The following CUX1 variants were observed in gnomAD, a reference collection of about 807,000 sequenced individuals.
The protein encoded by CUX1 is cut like homeobox 1.
CUX1 carries 31 observed loss-of-function variants against 158.8 expected under a neutral mutation model. The observed-to-expected ratio is 0.20, with a 90% confidence interval of 0.15 to 0.26. CUX1 has a LOEUF of 0.26. CUX1 is among the 10% of genes least tolerant of loss of function. The probability of loss-of-function intolerance (pLI) is 1.00; values close to 1 mark genes in which losing one functional copy is unlikely to be tolerated. For missense variants in CUX1, 1,589 were observed against 2,014.6 expected (o/e 0.79, Z 4.04); for synonymous variants, 879 against 862.1 (o/e 1.02, Z -0.34).
intron 2 of CUX1, among the ~76,000 whole-genome samples, chr7:101,917,675 G>C (rs369881710): frequency 6.6e-6 from 1 of 152,144 alleles, no homozygotes; most frequent in Non-Finnish European, 1.5e-5. Context: ...CTGGAACTCC[G>C]GTTTCCTGAG....
chr7:101,927,718 G>A (rs956816390), intron 2 of CUX1, among the ~76,000 whole-genome samples: 1 of 152,198 alleles, frequency 6.6e-6, no homozygotes, highest in Non-Finnish European at 1.5e-5. Flanking sequence ...ACCTTATTTT[G>A]TTTGTTTGTT....
chr7:102,115,365 G>A lies in CUX1; in HGVS notation c.674+92G>A, dbSNP rs1831332108. On this transcript the variant is annotated intron_variant, in intron 8 of 23. Transcript: ENST00000292535. Reference sequence around the variant, plus strand: ...AGGATCGAGAAGGTTCTTGACCTCTGTGCTGCTGCAGGGACACAGTGTATT... The same window carrying A: ...AGGATCGAGAAGGTTCTTGACCTCTATGCTGCTGCAGGGACACAGTGTATT... 1.6e-5 allele frequency: 17 copies of A among 1,079,656 alleles called. No individual in the cohort carries two copies. In the South Asian group the frequency reaches 2.5e-4, roughly 16 times the overall value. 66.9% of individuals were successfully genotyped at this position (1,079,656 alleles called of 1,614,324 possible). A position where few individuals can be genotyped will look rare whatever the true frequency, so the allele number is the denominator to read the frequency against.
intron 8 of CUX1, among the ~76,000 whole-genome samples, chr7:102,142,178 G>A (rs782064921): frequency 1.3e-5 from 2 of 152,132 alleles, no homozygotes; most frequent in Non-Finnish European, 2.9e-5. Flanking sequence ...CAGCGCAGGA[G>A]GCAGATGAGA....
In CUX1 at chr7:102,146,658, C is replaced by T. The variant is rs189759001; in HGVS notation, c.675-11902C>T. 2.8e-3 allele frequency among the ~76,000 whole-genome samples: 430 copies of T among 152,120 alleles called. 5 individuals are homozygous for T. Among genetic ancestry groups the T allele is most frequent in the Admixed American group, 0.026 (398 of 15,260 alleles). On this transcript the variant is annotated intron_variant, in intron 8 of 23. Transcript: ENST00000292535. ...TGTTGCCCAGGCTGGAGTACAGTGG[C>T]GTGATCTCGGCTCACTGTAACTTCC...
chr7:101,952,867 G>T, intron 2 of CUX1, among the ~76,000 whole-genome samples: 1 of 152,238 alleles, frequency 6.6e-6, no homozygotes, highest in African/African-American at 2.4e-5. Flanking sequence ...GCACGTGTGT[G>T]TCCTCTGCGG....
chr7:101,890,594 T>G (rs988884782), intron 1 of CUX1, among the ~76,000 whole-genome samples: 2 of 152,024 alleles, frequency 1.3e-5, no homozygotes, highest in Non-Finnish European at 2.9e-5. Context: ...CTGCTGGTTT[T>G]GCGGGTCAGT....
Position 102,283,061 on chromosome 7 carries a change from G to A in CUX1, c.2008G>A (p.Gly670Arg), listed in dbSNP as rs369144524. Residue 670 changes from glycine (G) to arginine (R), a missense_variant, in exon 23 of 23, where the codon GGG (glycine) becomes AGG (arginine). Gly to Arg is a moderately radical substitution (Grantham distance 125). Transcript: ENST00000292538. ...GCACAAGTTCCACGAGAATGACAAC[G>A]GGGCTGCGGCTGGTGACTTGTGGCA... The A allele has an allele frequency of 1.2e-4, 186 of 1,613,182 alleles. No individual in the cohort carries two copies. Among genetic ancestry groups the A allele is most frequent in the African/African-American group, 2.9e-4 (22 of 74,646 alleles).
chr7:102,051,654 C>CAA lies in CUX1; in HGVS notation c.190-18671_190-18670dup, dbSNP rs1299911064. Among the ~76,000 whole-genome samples the CAA allele has an allele frequency of 3.0e-4, 27 of 89,728 alleles. 1 individual carries two copies. The highest frequency in any genetic ancestry group is 9.6e-4 in the African/African-American group (24 of 24,990). 58.9% of individuals were successfully genotyped at this position (89,728 alleles called of 152,430 possible). A position where few individuals can be genotyped will look rare whatever the true frequency, so the allele number is the denominator to read the frequency against. ...TGGGTGACAGAGCGAGACTCTGTCT[C>CAA]AAAAAAAAAAAAAAAGGAACACAGT... On this transcript the variant is annotated intron_variant, in intron 3 of 23. Coordinates refer to ENST00000292535, the MANE Select transcript of CUX1 (RefSeq NM_181552.4).
At chr7:102,275,104 A>C in intron 16 of CUX1, 1 of 614,012 alleles carries the variant, frequency 1.6e-6, no homozygotes, top group Non-Finnish European at 2.8e-6. Flanking sequence ...CGACCTGCCC[A>C]GCACCAGGGA....
At chr7:101,894,034 A>G (rs1197102724) in intron 1 of CUX1, among the ~76,000 whole-genome samples, 3 of 152,200 alleles carry the variant, frequency 2.0e-5, no homozygotes, top group African/African-American at 7.2e-5. Flanking sequence ...GTTGTAAATA[A>G]GTGGCAAATC....
chr7:102,070,347 A>G lies in CUX1; in HGVS notation c.198A>G (p.Ala66=). 2 of 1,608,738 alleles carry G rather than the reference A, an allele frequency of 1.2e-6. No individual in the cohort carries two copies. The highest frequency in any genetic ancestry group is 1.7e-6 in the Non-Finnish European group (2 of 1,178,868). ...CTTTCCTTCCCTTTCAGATTGATGCACTGAGTAAAAGAAGCAAGGAAGCTG... is the reference window on the plus strand; with the variant it reads ...CTTTCCTTCCCTTTCAGATTGATGCGCTGAGTAAAAGAAGCAAGGAAGCTG... ...LLKSFQGEID[A]LSKRSKEAEA... Residue 66 remains alanine, a synonymous_variant, in exon 4 of 24, where the codon GCA becomes GCG. Transcript: ENST00000292535.
intron 14 of CUX1, among the ~76,000 whole-genome samples, chr7:102,270,964 G>A (rs748572717): frequency 1.1e-4 from 16 of 152,188 alleles, no homozygotes; most frequent in African/African-American, 3.6e-4. Flanking sequence ...TGGTGCCCAC[G>A]GATGGTGCTG....
At chr7:102,044,669 C>T (rs1822530784) in intron 3 of CUX1, among the ~76,000 whole-genome samples, 1 of 152,066 alleles carries the variant, frequency 6.6e-6, no homozygotes, top group South Asian at 2.1e-4. Context: ...CTGAATTTCC[C>T]CCTGCTTCTC....
intron 2 of CUX1, among the ~76,000 whole-genome samples, chr7:101,996,935 A>G (rs1163980614): frequency 6.7e-6 from 1 of 150,332 alleles, no homozygotes. Flanking sequence ...ATTCCGGCAC[A>G]GTCTCCTCAC....
In CUX1 at chr7:102,252,218, C is replaced by T; in HGVS notation, c.*3176C>T. 2.0e-6 allele frequency: 2 copies of T among 985,428 alleles called. No individual in the cohort carries two copies. Among genetic ancestry groups the T allele is most frequent in the Non-Finnish European group, 2.4e-6 (2 of 829,948 alleles). The allele number at this position is 985,428 out of a possible 1,614,324, so 61.0% of individuals were successfully genotyped here. A position where few individuals can be genotyped will look rare whatever the true frequency, so the allele number is the denominator to read the frequency against. On this transcript the variant is annotated 3_prime_UTR_variant, in exon 24 of 24. Coordinates refer to ENST00000292535, the MANE Select transcript of CUX1 (RefSeq NM_181552.4). ...AAGAGCTGCCACTAAAATAATACAGCAATCCGTGGCCAGGGGAGCACCCCC... is the reference window on the plus strand; with the variant it reads ...AAGAGCTGCCACTAAAATAATACAGTAATCCGTGGCCAGGGGAGCACCCCC...
intron 2 of CUX1, among the ~76,000 whole-genome samples, chr7:101,937,683 T>C (rs938837301): frequency 2.0e-5 from 3 of 152,054 alleles, no homozygotes; most frequent in Non-Finnish European, 4.4e-5. Flanking sequence ...GCTAATTTTT[T>C]TGTATTTTTA....
intron 2 of CUX1, among the ~76,000 whole-genome samples, chr7:101,932,853 G>A (rs541683454): frequency 3.3e-5 from 5 of 152,226 alleles, no homozygotes; most frequent in African/African-American, 9.6e-5. Context: ...TAGGTTCTAG[G>A]GCTAATAATT....
In CUX1 at chr7:102,248,362, C is replaced by T. The variant is rs1489305097; in HGVS notation, c.3888-50C>T. The T allele has an allele frequency of 6.6e-7, 1 of 1,505,504 alleles. No homozygotes were observed. Among genetic ancestry groups the T allele is most frequent in the Non-Finnish European group, 8.9e-7 (1 of 1,122,550 alleles). The allele number at this position is 1,505,504 out of a possible 1,614,324, so 93.3% of individuals were successfully genotyped here. A position where few individuals can be genotyped will look rare whatever the true frequency, so the allele number is the denominator to read the frequency against. On this transcript the variant is annotated intron_variant, in intron 23 of 23. Coordinates refer to ENST00000292535, the MANE Select transcript of CUX1 (RefSeq NM_181552.4). This position sits in a 1 kb window ranked among gnomAD's most constrained non-coding sequence, Gnocchi z 5.8. ...TCTGGCTGGGGTAGCACCAGAGGCCCTTTCCCCAGCAGCACCCCCCTCACG... is the reference window on the plus strand; with the variant it reads ...TCTGGCTGGGGTAGCACCAGAGGCCTTTTCCCCAGCAGCACCCCCCTCACG...
rs143700209 is a variant in CUX1 at position 102,159,198 on chromosome 7, A to T, written c.723+590A>T. On this transcript the variant is annotated intron_variant, in intron 9 of 23. Coordinates refer to ENST00000292535, the MANE Select transcript of CUX1 (RefSeq NM_181552.4). The stretch of plus-strand genomic sequence containing the variant: ...CCTCGGAGAGTTCCTTAGTGTAGAC[A>T]TCTCACCACGGTGTTATCCTAGGAG... Among the ~76,000 whole-genome samples, 495 of 149,652 alleles carry T rather than the reference A, an allele frequency of 3.3e-3. 1 individual carries two copies. The highest frequency in any genetic ancestry group is 0.012 in the African/African-American group (470 of 40,534).
Sources: allele counts gnomAD v4.1 joint callset (sites outside exome capture counted in the v4.1 genomes callset), GRCh38; gene constraint gnomAD v4.1.1; non-coding constraint Gnocchi (gnomAD v3.1); transcripts MANE v1.5; gene names NCBI Gene and HGNC (gene_info 2026-07-23, HGNC 2026-07-21).